The following RANBP2 variants were observed in gnomAD, a reference collection of about 807,000 sequenced individuals.
RANBP2 encodes RAN binding protein 2.
RANBP2 carries 57 observed loss-of-function variants against 303.6 expected under a neutral mutation model. That is an observed-to-expected ratio of 0.19 (90% CI 0.15 to 0.23). The LOEUF (loss-of-function observed/expected upper bound fraction) is 0.23. Among genes scored for constraint, RANBP2 ranks in the 10% least tolerant of loss-of-function variants. The pLI, the probability that RANBP2 is intolerant of heterozygous loss-of-function variation, is 1.00. For missense variants in RANBP2, 3,138 were observed against 3,780.8 expected, an observed-to-expected ratio of 0.83 and a Z score of 4.46; for synonymous variants, 1,167 against 1,301.5, an observed-to-expected ratio of 0.90 and a Z score of 2.23.
the RANBP2 span, among the ~76,000 whole-genome samples, chr2:109,069,486 C>T: frequency 3.9e-5 from 6 of 152,216 alleles, no homozygotes; most frequent in East Asian, 3.9e-4. Flanking sequence ...GAGTGCCTTC[C>T]GCCCTGCTGG....
chr2:109,297,753 T>C, the RANBP2 span, among the ~76,000 whole-genome samples: 1 of 146,960 alleles, frequency 6.8e-6, no homozygotes, highest in South Asian at 2.2e-4. Context: ...GTGTCCCTTA[T>C]CCAGTCAGTG....
the RANBP2 span, among the ~76,000 whole-genome samples, chr2:109,505,846 A>G: frequency 6.6e-6 from 1 of 152,184 alleles, no homozygotes; most frequent in Non-Finnish European, 1.5e-5. Context: ...CTCAAGCACA[A>G]GAGTGTAGGA....
chr2:109,320,707 T>C, the RANBP2 span, among the ~76,000 whole-genome samples: 1 of 152,224 alleles, frequency 6.6e-6, no homozygotes, highest in Admixed American at 6.5e-5. Context: ...TGTAAAGATA[T>C]CAGCCCCGCA....
chr2:109,541,867 T>C, the RANBP2 span, among the ~76,000 whole-genome samples: 1 of 152,230 alleles, frequency 6.6e-6, no homozygotes, highest in Non-Finnish European at 1.5e-5. Flanking sequence ...CCATGATGCA[T>C]GGATGACCTG....
the RANBP2 span, among the ~76,000 whole-genome samples, chr2:109,420,439 T>G: frequency 1.1e-4 from 16 of 151,848 alleles, no homozygotes; most frequent in Non-Finnish European, 1.5e-4. Flanking sequence ...TGTTGTTGTT[T>G]TTGTTTTGTT....
the RANBP2 span, among the ~76,000 whole-genome samples, chr2:109,146,177 A>G: frequency 9.7e-4 from 147 of 152,294 alleles, no homozygotes; most frequent in Non-Finnish European, 1.7e-3. Context: ...ATTAGAATGC[A>G]TGGTACACTA....
At chr2:108,816,143 A>G in the RANBP2 span, 12 of 1,490,026 alleles carry the variant, frequency 8.1e-6, no homozygotes, top group African/African-American at 1.3e-4. Context: ...TTCAGAATAT[A>G]TGAAGATTAA....
At chr2:109,727,782 G>A in the RANBP2 span, among the ~76,000 whole-genome samples, 3 of 152,136 alleles carry the variant, frequency 2.0e-5, no homozygotes, top group Non-Finnish European at 4.4e-5. Context: ...CTTACCCAGG[G>A]CTTCCCTTTG....
chr2:109,599,066 C>T, the RANBP2 span, among the ~76,000 whole-genome samples: 1 of 152,030 alleles, frequency 6.6e-6, no homozygotes, highest in Non-Finnish European at 1.5e-5. Flanking sequence ...TAACAGTGAT[C>T]TAAAATTTTC....
chr2:108,839,450 G>A, the RANBP2 span: 1 of 595,788 alleles, frequency 1.7e-6, no homozygotes, highest in Non-Finnish European at 2.7e-6. Context: ...GATAGGAATT[G>A]TGTTAAACCT....
At chr2:109,251,383 TC>T in the RANBP2 span, 1 of 667,678 alleles carries the variant, frequency 1.5e-6, no homozygotes, top group Non-Finnish European at 2.8e-6. Context: ...GTCTGTGCAT[TC>T]CTTTCCAAGG....
chr2:108,719,903 C>T (rs546313251), intron 1 of RANBP2, among the ~76,000 whole-genome samples: 74 of 152,330 alleles, frequency 4.9e-4, no homozygotes, highest in African/African-American at 1.7e-3. Flanking sequence ...TCCTCTTTCT[C>T]CCGGCTTGTT....
At chr2:108,871,669 T>G in the RANBP2 span, among the ~76,000 whole-genome samples, 1 of 152,318 alleles carries the variant, frequency 6.6e-6, no homozygotes, top group East Asian at 1.9e-4. Context: ...TTTTAACCAT[T>G]TTTTAATTGT....
At chr2:108,862,770 C>T in the RANBP2 span, among the ~76,000 whole-genome samples, 7 of 151,934 alleles carry the variant, frequency 4.6e-5, no homozygotes, top group South Asian at 2.1e-4. Context: ...TTTCCACAAA[C>T]GGTTTTCTTG....
chr2:108,910,800 C>T, the RANBP2 span: 2 of 1,613,728 alleles, frequency 1.2e-6, no homozygotes, highest in Admixed American at 1.7e-5. Flanking sequence ...TTCTCCTCGT[C>T]CTTGCTCACT....
Position 108,775,714 on chromosome 2 carries a change from G to A in RANBP2, c.8293-18G>A, listed in dbSNP as rs774682794. On this transcript the variant is annotated intron_variant, in intron 23 of 28. Transcript: ENST00000283195. Reference sequence around the variant, plus strand: ...TAGCATTTAAGTGGCATAGTATTTTGTGACTTCCTCTTTGCAGAAATCTCA... The same window carrying A: ...TAGCATTTAAGTGGCATAGTATTTTATGACTTCCTCTTTGCAGAAATCTCA... 9.3e-6 allele frequency: 15 copies of A among 1,612,738 alleles called. No homozygotes were observed. Among genetic ancestry groups the A allele is most frequent in the South Asian group, 3.3e-5 (3 of 91,064 alleles).
At chr2:109,491,468 G>T in the RANBP2 span, among the ~76,000 whole-genome samples, 1 of 152,156 alleles carries the variant, frequency 6.6e-6, no homozygotes, top group Non-Finnish European at 1.5e-5. Flanking sequence ...CTTTGAAATT[G>T]CCCATATTCA....
At chr2:108,734,679 T>C (rs1477326325) in intron 4 of RANBP2, among the ~76,000 whole-genome samples, 3 of 151,996 alleles carry the variant, frequency 2.0e-5, no homozygotes, top group Non-Finnish European at 4.4e-5. Flanking sequence ...AGTATATTTC[T>C]GAAAGTAAGG....
the RANBP2 span, among the ~76,000 whole-genome samples, chr2:109,104,185 G>A: frequency 2.6e-5 from 4 of 152,134 alleles, no homozygotes; most frequent in Non-Finnish European, 4.4e-5. Flanking sequence ...GGGGTAAAAT[G>A]CTTTGATTTC....
Sources: allele counts gnomAD v4.1 joint callset (sites outside exome capture counted in the v4.1 genomes callset), GRCh38; gene constraint gnomAD v4.1.1; transcripts MANE v1.5; gene names NCBI Gene and HGNC (gene_info 2026-07-23, HGNC 2026-07-21).